The following ARHGAP15 variants were observed in gnomAD, a reference collection of about 807,000 sequenced individuals.
The protein encoded by ARHGAP15 is Rho GTPase activating protein 15.
ARHGAP15 carries 51 observed loss-of-function variants against 63.7 expected under a neutral mutation model. The observed-to-expected ratio is 0.80, with a 90% CI of 0.64 to 1.01. The LOEUF (loss-of-function observed/expected upper bound fraction) is 1.01, where lower values mean the gene tolerates loss of function less well. Among genes scored for constraint, ARHGAP15 ranks in the 50% least tolerant of loss-of-function variants. The pLI, the probability that ARHGAP15 is intolerant of heterozygous loss-of-function variation, is 0.00. For missense variants in ARHGAP15, 560 were observed against 564.6 expected, an observed-to-expected ratio of 0.99 and a Z score of 0.08; for synonymous variants, 191 against 193.8, an observed-to-expected ratio of 0.99 and a Z score of 0.12.
intron 11 of ARHGAP15, among the ~76,000 whole-genome samples, chr2:143,568,421 C>T (rs1405499077): frequency 6.6e-6 from 1 of 152,222 alleles, no homozygotes; most frequent in Non-Finnish European, 1.5e-5. Context: ...AAATGCTCAT[C>T]ATCACTGGTC....
At chr2:143,615,780 C>T (rs1395043855) in intron 11 of ARHGAP15, among the ~76,000 whole-genome samples, 3 of 152,022 alleles carry the variant, frequency 2.0e-5, no homozygotes, top group African/African-American at 7.2e-5. Context: ...ATGACTTTGT[C>T]GAAATTTAAT....
At chr2:143,624,403 G>T in intron 12 of ARHGAP15, 136 bp downstream of exon 12, 1 of 1,031,464 alleles carries the variant, frequency 9.7e-7, no homozygotes. Context: ...TTACGTTTTC[G>T]TTTTTGTGTT....
intron 10 of ARHGAP15, among the ~76,000 whole-genome samples, chr2:143,522,985 A>AT (rs1266610405): frequency 4.6e-5 from 7 of 152,178 alleles, no homozygotes. Flanking sequence ...CAAAGTATAT[A>AT]TTTTAAACTG....
At chr2:143,429,284 AAGTT>A (rs963837396) in intron 6 of ARHGAP15, among the ~76,000 whole-genome samples, 2 of 151,846 alleles carry the variant, frequency 1.3e-5, no homozygotes, top group Admixed American at 6.6e-5. Flanking sequence ...AATAAACAGA[AAGTT>A]AGAGTGGGCA....
chr2:143,687,812 A>C (rs937206214), intron 12 of ARHGAP15, among the ~76,000 whole-genome samples: 1 of 152,254 alleles, frequency 6.6e-6, no homozygotes, highest in African/African-American at 2.4e-5. Flanking sequence ...AATAAATTTT[A>C]AAAATGAAAA....
chr2:143,645,924 G>T (rs1470904246), intron 12 of ARHGAP15, among the ~76,000 whole-genome samples: 1 of 152,074 alleles, frequency 6.6e-6, no homozygotes, highest in East Asian at 1.9e-4. Context: ...CCATTCGTTA[G>T]ATGAGGAAAC....
At chr2:143,320,002 A>AT (rs34430340) in intron 6 of ARHGAP15, among the ~76,000 whole-genome samples, 35,723 of 152,020 alleles carry the variant, frequency 0.23, 4,649 homozygotes, top group East Asian at 0.46. Flanking sequence ...ACTTATCTAC[A>AT]TTTTTTCAGA....
At chr2:143,601,521 G>A (rs1391860449) in intron 11 of ARHGAP15, 1 of 152,138 alleles carries the variant, frequency 6.6e-6, no homozygotes. Context: ...CTTAAAAGTT[G>A]AGCTCTATGA....
At chr2:143,250,361 A>C (rs545306107) in intron 5 of ARHGAP15, 150 bp from the exon 6 acceptor site, 1 of 482,774 alleles carries the variant, frequency 2.1e-6, no homozygotes, top group East Asian at 3.3e-5. Flanking sequence ...CCCAAATGAA[A>C]ATTCCTACAA....
chr2:143,480,920 G>T (rs1692049270), intron 8 of ARHGAP15: 2 of 152,128 alleles, frequency 1.3e-5, no homozygotes, highest in South Asian at 4.1e-4. Flanking sequence ...CAATCAATTT[G>T]GGATAAGGTG....
chr2:143,707,200 G>A (rs1277543110), intron 13 of ARHGAP15, among the ~76,000 whole-genome samples: 2 of 152,186 alleles, frequency 1.3e-5, no homozygotes, highest in Non-Finnish European at 2.9e-5. Flanking sequence ...GGTCCCAGGG[G>A]AGTTGCAATT....
intron 1 of ARHGAP15, among the ~76,000 whole-genome samples, chr2:143,154,422 C>T (rs1360135505): frequency 6.6e-6 from 1 of 151,882 alleles, no homozygotes; most frequent in East Asian, 1.9e-4. Flanking sequence ...GGTGGCTATA[C>T]ACTTGCCTCC....
At chr2:143,269,379 C>T (rs1409529617) in intron 6 of ARHGAP15, among the ~76,000 whole-genome samples, 1 of 152,116 alleles carries the variant, frequency 6.6e-6, no homozygotes. Context: ...TCCTTACAAT[C>T]AACTTGCTCT....
At position 143,586,038 on chromosome 2, in the gene ARHGAP15, C is replaced by T. The variant is rs187575351; in HGVS notation, c.1003+29553C>T. 5.3e-4 allele frequency among the ~76,000 whole-genome samples: 80 copies of T among 152,150 alleles called. No homozygotes were observed. In the Middle Eastern group the frequency reaches 0.014, roughly 26 times the overall value. On this transcript the variant is annotated intron_variant, in intron 11 of 13. Transcript: ENST00000295095. ...GGTCTTATACTGGAAGAGCATGTCACGGTATAAAATAATATATCTATATTT... is the reference window on the plus strand; with the variant it reads ...GGTCTTATACTGGAAGAGCATGTCATGGTATAAAATAATATATCTATATTT...
chr2:143,510,157 A>G (rs559065378), intron 9 of ARHGAP15, among the ~76,000 whole-genome samples: 1 of 152,274 alleles, frequency 6.6e-6, no homozygotes, highest in Admixed American at 6.5e-5. Context: ...TGGAATTATT[A>G]AATTGCTGAA....
chr2:143,400,533 T>C (rs1005327678), intron 6 of ARHGAP15, among the ~76,000 whole-genome samples: 5 of 151,960 alleles, frequency 3.3e-5, no homozygotes, highest in East Asian at 1.9e-4. Flanking sequence ...CATAAAAATA[T>C]GCAAGTGCCA....
chr2:143,368,426 G>T (rs1042161834), intron 6 of ARHGAP15, among the ~76,000 whole-genome samples: 11 of 151,944 alleles, frequency 7.2e-5, no homozygotes, highest in Admixed American at 3.3e-4. Flanking sequence ...AGGCACGAAA[G>T]AAAAATAAAA....
intron 2 of ARHGAP15, among the ~76,000 whole-genome samples, chr2:143,165,471 A>C (rs1300449304): frequency 6.6e-6 from 1 of 152,104 alleles, no homozygotes; most frequent in African/African-American, 2.4e-5. Context: ...AAGTGACCCA[A>C]TATAGGAAGA....
At chr2:143,230,576 T>G (rs1054860428) in intron 5 of ARHGAP15, among the ~76,000 whole-genome samples, 1 of 152,240 alleles carries the variant, frequency 6.6e-6, no homozygotes, top group Non-Finnish European at 1.5e-5. Flanking sequence ...CTCATTGTCT[T>G]CAAAGTCAAT....
Sources: gnomAD v4.1 joint callset for allele counts (sites outside exome capture counted in the v4.1 genomes callset) on GRCh38, gnomAD v4.1.1 for gene constraint, MANE v1.5 for transcripts, NCBI Gene and HGNC (gene_info 2026-07-23, HGNC 2026-07-21) for gene names.